SLC8A3: variants seen among roughly 807,000 people sequenced by gnomAD.
The protein encoded by SLC8A3 is sodium/calcium exchanger 3.
A neutral mutation model predicts 65.4 loss-of-function variants in SLC8A3; 37 were observed. The ratio of observed to expected loss-of-function variants is 0.57; its 90% CI spans 0.44 to 0.74. The LOEUF (loss-of-function observed/expected upper bound fraction) is 0.74, where lower values mean the gene tolerates loss of function less well. SLC8A3 is among the 30% of genes least tolerant of loss of function. SLC8A3 has a pLI of 0.00. For missense variants in SLC8A3, 1,112 were observed against 1,172.1 expected, an observed-to-expected ratio of 0.95 and a Z score of 0.75; for synonymous variants, 461 against 444.5, an observed-to-expected ratio of 1.04 and a Z score of -0.47.
intron 2 of SLC8A3, among the ~76,000 whole-genome samples, chr14:70,102,811 T>A (rs903569003): frequency 3.3e-5 from 5 of 152,078 alleles, no homozygotes; most frequent in African/African-American, 1.2e-4. Flanking sequence ...TAGTGATCTA[T>A]GGGACAACGT....
intron 2 of SLC8A3, among the ~76,000 whole-genome samples, chr14:70,145,376 T>C (rs1054598537): frequency 3.3e-5 from 5 of 152,188 alleles, no homozygotes; most frequent in African/African-American, 7.2e-5. Flanking sequence ...CAATACATCA[T>C]TGCAGAGAAA....
intron 2 of SLC8A3, among the ~76,000 whole-genome samples, chr14:70,141,975 G>A (rs1231072856): frequency 6.6e-6 from 1 of 150,948 alleles, no homozygotes; most frequent in African/African-American, 2.5e-5. Context: ...TGACTCCAAT[G>A]GCCTCCCTCT....
At chr14:70,140,850 A>T (rs1465787383) in intron 2 of SLC8A3, among the ~76,000 whole-genome samples, 1 of 152,158 alleles carries the variant, frequency 6.6e-6, no homozygotes, top group Non-Finnish European at 1.5e-5. Context: ...TTCCTTTTGC[A>T]TATTGTTAGT....
At chr14:70,137,149 C>CTTTT (rs11314654) in intron 2 of SLC8A3, among the ~76,000 whole-genome samples, 2 of 144,812 alleles carry the variant, frequency 1.4e-5, no homozygotes, top group African/African-American at 2.5e-5. Context: ...GTTTATATAT[C>CTTTT]TTTTTTTTTT....
Position 70,175,978 on chromosome 14 carries a change from G to A in SLC8A3, c.-62-7494C>T, listed in dbSNP as rs1056340906. 4.6e-5 allele frequency among the ~76,000 whole-genome samples: 7 copies of A among 152,026 alleles called. No individual in the cohort carries two copies. In the East Asian group the frequency reaches 9.7e-4, roughly 21 times the overall value. On this transcript the variant is annotated intron_variant, in intron 1 of 6. Coordinates refer to ENST00000356921, the MANE Select transcript of SLC8A3 (RefSeq NM_182932.3). ...TCGAACTCCTGACCTCAAGTGATCC[G>A]CCCACCTCACCCTCCCAAAGGGGAA...
At chr14:70,126,994 C>T (rs1271857593) in intron 2 of SLC8A3, among the ~76,000 whole-genome samples, 1 of 152,082 alleles carries the variant, frequency 6.6e-6, no homozygotes, top group East Asian at 1.9e-4. Flanking sequence ...CATGCTATGA[C>T]CAATTCCTGG....
intron 2 of SLC8A3, among the ~76,000 whole-genome samples, chr14:70,061,485 T>A (rs1888794596): frequency 6.6e-6 from 1 of 151,280 alleles, no homozygotes; most frequent in African/African-American, 2.4e-5. Context: ...AAAGAAAATT[T>A]TAAAAGAAAA....
chr14:70,082,772 A>G (rs1221122658), intron 2 of SLC8A3, among the ~76,000 whole-genome samples: 6 of 152,184 alleles, frequency 3.9e-5, no homozygotes, highest in African/African-American at 1.4e-4. Flanking sequence ...CCAAAGGGAA[A>G]ATGAAATTGA....
intron 1 of SLC8A3, among the ~76,000 whole-genome samples, chr14:70,181,646 C>T (rs1439207605): frequency 6.6e-6 from 1 of 152,054 alleles, no homozygotes; most frequent in Non-Finnish European, 1.5e-5. Flanking sequence ...AAACTGTGAA[C>T]AAATGCACAA....
chr14:70,050,931 C>T, intron 5 of SLC8A3, 77 bp downstream of exon 5: 1 of 859,340 alleles, frequency 1.2e-6, no homozygotes, highest in South Asian at 1.4e-5. Context: ...GACTGGCAGG[C>T]TGTTAACGTG....
intron 1 of SLC8A3, among the ~76,000 whole-genome samples, chr14:70,186,190 T>C (rs191352813): frequency 4.6e-5 from 7 of 152,238 alleles, no homozygotes; most frequent in Middle Eastern, 3.4e-3. Flanking sequence ...CTTTTTTTCG[T>C]CACTTCTTGC....
intron 2 of SLC8A3, among the ~76,000 whole-genome samples, chr14:70,155,068 C>T (rs186871016): frequency 2.6e-5 from 4 of 151,882 alleles, no homozygotes; most frequent in East Asian, 1.9e-4. Flanking sequence ...TACAGGTGTG[C>T]GCCACCATGC....
At chr14:70,075,994 C>T (rs1890480334) in intron 2 of SLC8A3, among the ~76,000 whole-genome samples, 1 of 152,268 alleles carries the variant, frequency 6.6e-6, no homozygotes, top group Admixed American at 6.5e-5. Context: ...GGCTCCAGAA[C>T]CACAGTGAGA....
intron 2 of SLC8A3, among the ~76,000 whole-genome samples, chr14:70,095,440 C>G (rs1010157725): frequency 1.3e-5 from 2 of 152,212 alleles, no homozygotes; most frequent in African/African-American, 4.8e-5. Context: ...CTCAGTTTCT[C>G]CATCTGTGAA....
Position 70,086,290 on chromosome 14 carries a change from A to G in SLC8A3, c.1785-25351T>C, listed in dbSNP as rs142251470. 8.3e-3 allele frequency among the ~76,000 whole-genome samples: 1,257 copies of G among 152,330 alleles called. 14 individuals carry two copies. The highest frequency in any genetic ancestry group is 0.028 in the African/African-American group (1,184 of 41,574). On this transcript the variant is annotated intron_variant, in intron 2 of 6. Coordinates refer to ENST00000356921, the MANE Select transcript of SLC8A3 (RefSeq NM_182932.3). The stretch of plus-strand genomic sequence containing the variant: ...AAAGTTGCACAGAGAAGCGAGATGA[A>G]ACCGGGATTCCAGCCTAGCTTAGTT...
intron 2 of SLC8A3, among the ~76,000 whole-genome samples, chr14:70,131,854 G>A (rs746947384): frequency 1.4e-4 from 22 of 152,166 alleles, no homozygotes; most frequent in Non-Finnish European, 3.1e-4. Context: ...AATTGAAGAG[G>A]CAAGAACAAG....
In SLC8A3 at chr14:70,098,629, C is replaced by G. The variant is rs1210762254; in HGVS notation, c.1785-37690G>C. Among the ~76,000 whole-genome samples, 3 of 152,136 alleles carry G rather than the reference C, an allele frequency of 2.0e-5. No homozygotes were observed. The East Asian group carries it at 5.8e-4, about 29-fold the overall frequency. ...GTCCAGCCCACTGCTGGGGACTGCA[C>G]CCACTGGGGACAGTCAGCTGTCCTG... On this transcript the variant is annotated intron_variant, in intron 2 of 6. Coordinates refer to ENST00000356921, the MANE Select transcript of SLC8A3 (RefSeq NM_182932.3).
intron 2 of SLC8A3, among the ~76,000 whole-genome samples, chr14:70,089,660 G>C (rs541650020): frequency 6.6e-6 from 1 of 152,244 alleles, no homozygotes; most frequent in South Asian, 2.1e-4. Context: ...CACAAAGAAG[G>C]TATCTTTGAA....
intron 1 of SLC8A3, among the ~76,000 whole-genome samples, chr14:70,178,679 CT>C (rs1439463511): frequency 2.2e-4 from 33 of 152,336 alleles, no homozygotes; most frequent in African/African-American, 7.7e-4. Flanking sequence ...CGAGTACTTA[CT>C]ATGTGCCCAT....
Sources: gnomAD v4.1 joint callset for allele counts (sites outside exome capture counted in the v4.1 genomes callset) on GRCh38, gnomAD v4.1.1 for gene constraint, MANE v1.5 for transcripts, NCBI Gene and HGNC (gene_info 2026-07-23, HGNC 2026-07-21) for gene names.